ABCC4: variants seen among roughly 807,000 people sequenced by gnomAD.
ABCC4 encodes the protein ATP binding cassette subfamily C member 4 (PEL blood group).
In ABCC4, 102 loss-of-function variants were observed where a neutral mutation model predicts 168.5. The ratio of observed to expected loss-of-function variants is 0.61; its 90% CI spans 0.52 to 0.71. The LOEUF (loss-of-function observed/expected upper bound fraction) is 0.71. Among genes scored for constraint, ABCC4 ranks in the 30% least tolerant of loss-of-function variants. The probability of loss-of-function intolerance (pLI) is 0.00; values close to 1 mark genes in which losing one functional copy is unlikely to be tolerated. For synonymous variants in ABCC4, 617 were observed against 590.7 expected, an observed-to-expected ratio of 1.04 and a Z score of -0.65; for missense variants, 1,402 against 1,605.8, an observed-to-expected ratio of 0.87 and a Z score of 2.17.
At chr13:95,052,279 C>T (rs547139630) in intron 27 of ABCC4, among the ~76,000 whole-genome samples, 1 of 152,184 alleles carries the variant, frequency 6.6e-6, no homozygotes, top group African/African-American at 2.4e-5. Context: ...CTGCACCCAG[C>T]CTTAAATGCT....
At chr13:95,053,889 A>G (rs1035376700) in intron 26 of ABCC4, 2 of 151,292 alleles carry the variant, frequency 1.3e-5, no homozygotes, top group African/African-American at 4.9e-5. Context: ...AGGCAAGAGA[A>G]TCGCTTGAAT....
intron 1 of ABCC4, among the ~76,000 whole-genome samples, chr13:95,295,535 G>T (rs959602199): frequency 7.0e-4 from 107 of 152,120 alleles, no homozygotes; most frequent in African/African-American, 2.5e-3. Flanking sequence ...GCGTGCGCTT[G>T]TAGTCCCAGC....
chr13:95,192,078 C>G (rs2038271478), intron 9 of ABCC4, among the ~76,000 whole-genome samples: 1 of 152,246 alleles, frequency 6.6e-6, no homozygotes, highest in Non-Finnish European at 1.5e-5. Flanking sequence ...GAAGCAAATC[C>G]CTTCCCCATG....
chr13:95,113,315 C>T (rs1461640230), intron 20 of ABCC4, among the ~76,000 whole-genome samples: 1 of 152,154 alleles, frequency 6.6e-6, no homozygotes, highest in Non-Finnish European at 1.5e-5. Flanking sequence ...GAGCAACCCC[C>T]TTCATTCGGC....
At chr13:95,145,348 G>T (rs2036456089) in intron 19 of ABCC4, among the ~76,000 whole-genome samples, 2 of 151,768 alleles carry the variant, frequency 1.3e-5, no homozygotes, top group Admixed American at 1.3e-4. Flanking sequence ...TGGACACGGT[G>T]ACTTATGCCT....
intron 20 of ABCC4, among the ~76,000 whole-genome samples, chr13:95,107,831 G>A (rs964670751): frequency 6.6e-6 from 1 of 152,132 alleles, no homozygotes; most frequent in Non-Finnish European, 1.5e-5. Context: ...AGCCACTGTG[G>A]AGGAGTCTGA....
intron 13 of ABCC4, among the ~76,000 whole-genome samples, chr13:95,176,501 A>AT (rs2037708061): frequency 1.3e-5 from 2 of 151,590 alleles, no homozygotes; most frequent in African/African-American, 2.4e-5. Flanking sequence ...TCTAAAAAAA[A>AT]AATAATAATA....
chr13:95,236,749 T>G (rs552738591), intron 3 of ABCC4, among the ~76,000 whole-genome samples: 1 of 152,316 alleles, frequency 6.6e-6, no homozygotes, highest in African/African-American at 2.4e-5. Context: ...ATATCAAGAA[T>G]GCAGAGGCTC....
At chr13:95,093,511 C>A (rs149521078) in intron 20 of ABCC4, among the ~76,000 whole-genome samples, 93 of 152,240 alleles carry the variant, frequency 6.1e-4, no homozygotes, top group African/African-American at 2.1e-3. Flanking sequence ...GATTAAAACT[C>A]TCAGCAAAAT....
At chr13:95,066,465 C>T (rs900366539) in intron 25 of ABCC4, among the ~76,000 whole-genome samples, 13 of 152,250 alleles carry the variant, frequency 8.5e-5, no homozygotes, top group African/African-American at 2.9e-4. Context: ...TTTGTATCAC[C>T]TGTGGTGTCC....
chr13:95,032,670 C>CTT (rs10529298), intron 30 of ABCC4, among the ~76,000 whole-genome samples: 10 of 148,456 alleles, frequency 6.7e-5, no homozygotes, highest in African/African-American at 7.4e-5. Flanking sequence ...TTTCTTTTTT[C>CTT]TTTTTTTTTT....
chr13:95,297,750 C>T (rs369489758), intron 1 of ABCC4, among the ~76,000 whole-genome samples: 1 of 152,080 alleles, frequency 6.6e-6, no homozygotes, highest in African/African-American at 2.4e-5. Context: ...GCAGGCAGAT[C>T]GCTGGAGCTC....
intron 1 of ABCC4, among the ~76,000 whole-genome samples, chr13:95,272,791 G>C (rs1158399781): frequency 1.5e-5 from 1 of 64,746 alleles, no homozygotes; most frequent in Admixed American, 1.4e-4. Context: ...GAGAGGCTGA[G>C]ACAGGGGAAT....
chr13:95,106,921 C>T lies in ABCC4; in HGVS notation c.2535+9001G>A, dbSNP rs143921382. Among the ~76,000 whole-genome samples the T allele has an allele frequency of 1.6e-3, 251 of 152,162 alleles. 1 individual carries two copies. Among genetic ancestry groups the T allele is most frequent in the African/African-American group, 5.0e-3 (209 of 41,516 alleles). ...AGACTTTGTTGTCTAAAATCAAATACATGGGGCTGTGGGGGAGTTCAGATC... is the reference window on the plus strand; with the variant it reads ...AGACTTTGTTGTCTAAAATCAAATATATGGGGCTGTGGGGGAGTTCAGATC... On this transcript the variant is annotated intron_variant, in intron 20 of 30. Coordinates refer to ENST00000645237, the MANE Select transcript of ABCC4 (RefSeq NM_005845.5).
chr13:95,301,205 G>T, intron 1 of ABCC4, 36 bp downstream of exon 1: 1 of 1,560,604 alleles, frequency 6.4e-7, no homozygotes, highest in Non-Finnish European at 8.7e-7. Context: ...GGCGCCAGCG[G>T]CTGCAGGGTG....
In ABCC4 at chr13:95,021,669, C is replaced by A. The variant is rs768791698; in HGVS notation, c.3884G>T (p.Arg1295Ile). The A allele has an allele frequency of 1.2e-6, 2 of 1,602,882 alleles. No individual in the cohort carries two copies. The highest frequency in any genetic ancestry group is 1.7e-6 in the Non-Finnish European group (2 of 1,172,990). Residue 1295 changes from arginine (R) to isoleucine (I), a missense_variant, in exon 31 of 31, where the codon AGA (arginine) becomes ATA (isoleucine). Transcript: ENST00000645237. ...TETAKQVYFK[R>I]NYPHIGHTDH... ...AGTGTGACCAATATGTGGATAATTT[C>A]TTTTGAAGTATACCTAGAAAAAAAA... is the stretch of plus-strand genomic sequence containing the variant.
chr13:95,241,629 G>A (rs1327125772), intron 3 of ABCC4, among the ~76,000 whole-genome samples: 3 of 152,082 alleles, frequency 2.0e-5, no homozygotes, highest in African/African-American at 7.2e-5. Flanking sequence ...CTGGAAATTT[G>A]CGGGCTGTTC....
At chr13:95,089,714 A>G (rs1172209917) in intron 20 of ABCC4, among the ~76,000 whole-genome samples, 1 of 152,176 alleles carries the variant, frequency 6.6e-6, no homozygotes, top group Non-Finnish European at 1.5e-5. Context: ...CTGACAATTA[A>G]TCAATCAATG....
chr13:95,163,718 G>T (rs1165722280), intron 16 of ABCC4, 71 bp from the exon 17 acceptor site: 2 of 1,295,496 alleles, frequency 1.5e-6, no homozygotes, highest in South Asian at 1.2e-5. Context: ...ACTCTCAATC[G>T]CTAACATGGA....
Sources: gnomAD v4.1 joint callset for allele counts (sites outside exome capture counted in the v4.1 genomes callset) on GRCh38, gnomAD v4.1.1 for gene constraint, MANE v1.5 for transcripts, NCBI Gene and HGNC (gene_info 2026-07-23, HGNC 2026-07-21) for gene names.